The following ESR1 variants were observed in gnomAD, a reference collection of about 807,000 sequenced individuals.
The protein encoded by ESR1 is estrogen receptor 1.
A neutral mutation model predicts 52.7 loss-of-function variants in ESR1; 12 were observed. That is an observed-to-expected ratio of 0.23 (90% CI 0.15 to 0.37). ESR1 has a LOEUF of 0.37. Among genes scored for constraint, ESR1 ranks in the 10% least tolerant of loss-of-function variants. ESR1 has a pLI of 1.00. For synonymous variants in ESR1, 305 were observed against 316.8 expected, an observed-to-expected ratio of 0.96 and a Z score of 0.39; for missense variants, 584 against 779.7, an observed-to-expected ratio of 0.75 and a Z score of 2.99.
At chr6:152,110,684 GT>G (rs1388679178) in intron 6 of ESR1, among the ~76,000 whole-genome samples, 1 of 152,018 alleles carries the variant, frequency 6.6e-6, no homozygotes, top group Non-Finnish European at 1.5e-5. Context: ...CAAAATAAAA[GT>G]TTTTTTCAAA....
At chr6:151,918,459 C>T (rs2030851701) in intron 3 of ESR1, among the ~76,000 whole-genome samples, 1 of 152,102 alleles carries the variant, frequency 6.6e-6, no homozygotes, top group African/African-American at 2.4e-5. Flanking sequence ...GGTGTATCAC[C>T]CCAAAGGACT....
rs1203711727 is a variant in ESR1, at chr6:151,820,324, T to C, written c.452+11960T>C. Among the ~76,000 whole-genome samples the C allele has an allele frequency of 2.0e-5, 3 of 152,142 alleles. No individual in the cohort carries two copies. In the East Asian group the frequency reaches 5.8e-4, roughly 29 times the overall value. Reference sequence around the variant, plus strand: ...GAATATTGAATTAATAAAATAAGGGTAAACTGTTAAGAATCAGAGAAATAA... The same window carrying C: ...GAATATTGAATTAATAAAATAAGGGCAAACTGTTAAGAATCAGAGAAATAA... On this transcript the variant is annotated intron_variant, in intron 1 of 7. Transcript: ENST00000206249.
At chr6:151,668,885 G>C (rs1172651441) in intron 1 of ESR1, among the ~76,000 whole-genome samples, 1 of 152,048 alleles carries the variant, frequency 6.6e-6, no homozygotes, top group Admixed American at 6.5e-5. Context: ...CTTAGAGATT[G>C]GGGGTGCCAT....
intron 6 of ESR1, among the ~76,000 whole-genome samples, chr6:152,120,111 T>C (rs979313719): frequency 6.6e-6 from 1 of 152,228 alleles, no homozygotes; most frequent in Non-Finnish European, 1.5e-5. Context: ...TGACGGGAGA[T>C]GCCTAGGAGG....
chr6:151,711,267 G>C (rs2127999232), intron 2 of ESR1, among the ~76,000 whole-genome samples: 1 of 151,536 alleles, frequency 6.6e-6, no homozygotes, highest in South Asian at 2.1e-4. Flanking sequence ...TGTTGCCCAG[G>C]CTGGAGTGCA....
At chr6:152,095,111 C>G (rs1240276023) in intron 7 of ESR1, among the ~76,000 whole-genome samples, 1 of 152,176 alleles carries the variant, frequency 6.6e-6, no homozygotes, top group Non-Finnish European at 1.5e-5. Flanking sequence ...ATGTGTATCC[C>G]TGCCTGTAAT....
chr6:151,755,776 G>A (rs1784238950), intron 2 of ESR1, among the ~76,000 whole-genome samples: 1 of 151,998 alleles, frequency 6.6e-6, no homozygotes, highest in Non-Finnish European at 1.5e-5. Flanking sequence ...GATTATAGGT[G>A]CCAGCCACCA....
chr6:151,702,873 A>G (rs1005615141), intron 2 of ESR1, among the ~76,000 whole-genome samples: 1 of 152,226 alleles, frequency 6.6e-6, no homozygotes. Flanking sequence ...GAGGCTGTGT[A>G]TCTATGCAGC....
chr6:151,720,682 G>A (rs188212815), intron 2 of ESR1, among the ~76,000 whole-genome samples: 179 of 152,252 alleles, frequency 1.2e-3, no homozygotes, highest in Non-Finnish European at 1.8e-3. Flanking sequence ...GATACACTTG[G>A]AGAAGTGTTA....
At chr6:151,730,952 A>G (rs114236409) in intron 2 of ESR1, among the ~76,000 whole-genome samples, 2 of 152,330 alleles carry the variant, frequency 1.3e-5, no homozygotes, top group Admixed American at 6.5e-5. Context: ...CATAAAAAAG[A>G]CATTCTTCTT....
rs2295190 is a variant in ESR1, at chr6:152,122,609, G to T, written c.851-2657G>T. The T allele has an allele frequency of 0.13, 214,076 of 1,614,114 alleles. 15,499 individuals are homozygous for T. The highest frequency in any genetic ancestry group is 0.15 in the Non-Finnish European group (173,505 of 1,179,992). On this transcript the variant is annotated intron_variant, in intron 6 of 6. Transcript: ENST00000427531. The stretch of plus-strand genomic sequence containing the variant: ...AGAGCTGCTCGGAGGACTCTGAACA[G>T]GAAGCCGCGGCCGGACCGACCTGGC...
chr6:151,825,063 T>C (rs183889287), intron 1 of ESR1, among the ~76,000 whole-genome samples: 30 of 152,200 alleles, frequency 2.0e-4, no homozygotes, highest in African/African-American at 7.2e-4. Context: ...TAATTGGATT[T>C]CAGAAAAGAG....
In ESR1 at chr6:151,807,793, C is replaced by A; in HGVS notation, c.-120C>A. The A allele has an allele frequency of 1.0e-6, 1 of 958,256 alleles. No individual in the cohort carries two copies. Among genetic ancestry groups the A allele is most frequent in the Non-Finnish European group, 1.6e-6 (1 of 619,498 alleles). 59.4% of individuals were successfully genotyped at this position (958,256 alleles called of 1,614,324 possible). On this transcript the variant is annotated 5_prime_UTR_variant, in exon 1 of 8. Coordinates refer to ENST00000206249, the MANE Select transcript of ESR1 (RefSeq NM_000125.4). ...GCCGGGGCCAGAGCTCGCGTGTCGGCGGGACATGCGCTGCGTCGCCTCTAA... is the reference window on the plus strand; with the variant it reads ...GCCGGGGCCAGAGCTCGCGTGTCGGAGGGACATGCGCTGCGTCGCCTCTAA...
chr6:152,012,050 A>ACACACACACT (rs540353334), intron 5 of ESR1, among the ~76,000 whole-genome samples: 2 of 138,694 alleles, frequency 1.4e-5, no homozygotes, highest in African/African-American at 5.2e-5. Flanking sequence ...ACACACACTC[A>ACACACACACT]CACTCTCTCT....
At chr6:151,756,625 G>A (rs574404170) in intron 2 of ESR1, among the ~76,000 whole-genome samples, 26 of 152,252 alleles carry the variant, frequency 1.7e-4, no homozygotes, top group African/African-American at 5.5e-4. Context: ...ATTTATAACC[G>A]TACTGGCCGG....
chr6:151,954,083 G>A (rs532630396), intron 4 of ESR1, among the ~76,000 whole-genome samples: 11 of 152,152 alleles, frequency 7.2e-5, no homozygotes, highest in Middle Eastern at 3.4e-3. Context: ...TCAAGCACGC[G>A]CCTGTACATT....
chr6:151,950,072 AG>A (rs1273788592), intron 4 of ESR1, among the ~76,000 whole-genome samples: 1 of 152,094 alleles, frequency 6.6e-6, no homozygotes, highest in Non-Finnish European at 1.5e-5. Flanking sequence ...TAAAAAGGGG[AG>A]TTTTTCTGCA....
At chr6:151,784,305 T>C (rs550598794) in intron 2 of ESR1, among the ~76,000 whole-genome samples, 1 of 152,312 alleles carries the variant, frequency 6.6e-6, no homozygotes, top group South Asian at 2.1e-4. Flanking sequence ...TTTATATCAG[T>C]ATAGCTTCAT....
At chr6:151,724,814 T>C (rs1781721887) in intron 2 of ESR1, among the ~76,000 whole-genome samples, 1 of 152,162 alleles carries the variant, frequency 6.6e-6, no homozygotes, top group African/African-American at 2.4e-5. Context: ...ATTCCTGCTT[T>C]TTCATTTTCA....
Sources: gnomAD v4.1 joint callset for allele counts (sites outside exome capture counted in the v4.1 genomes callset) on GRCh38, gnomAD v4.1.1 for gene constraint, MANE v1.5 for transcripts, NCBI Gene and HGNC (gene_info 2026-07-23, HGNC 2026-07-21) for gene names.